The following PARVB variants were observed in gnomAD, a reference collection of about 807,000 sequenced individuals.
PARVB encodes the protein parvin beta.
Under a neutral mutation model 47.0 loss-of-function variants are expected in PARVB, and 46 were observed. The ratio of observed to expected loss-of-function variants is 0.98; its 90% CI spans 0.77 to 1.25. The LOEUF is 1.25. Ranked by LOEUF, PARVB falls within the 50% of genes most tolerant of loss-of-function variation. The probability of loss-of-function intolerance (pLI) is 0.00; values close to 1 mark genes in which losing one functional copy is unlikely to be tolerated. For missense variants in PARVB, 473 were observed against 471.6 expected, an observed-to-expected ratio of 1.00 and a Z score of -0.03; for synonymous variants, 196 against 196.3, an observed-to-expected ratio of 1.00 and a Z score of 0.01.
At chr22:44,140,020 C>T in intron 7 of PARVB, 104 bp from the exon 8 acceptor site, 1 of 1,478,244 alleles carries the variant, frequency 6.8e-7, no homozygotes, top group Non-Finnish European at 9.5e-7. Flanking sequence ...GCAGCGAGGG[C>T]CCAGCTTTCT....
At chr22:44,109,528 G>T (rs1381228370) in intron 3 of PARVB, 1 of 152,188 alleles carries the variant, frequency 6.6e-6, no homozygotes, top group African/African-American at 2.4e-5. Flanking sequence ...GATTAAGATG[G>T]ATGGCCTGGG....
In PARVB at chr22:44,169,143, G is replaced by A. The variant is rs540149740; in HGVS notation, c.*465G>A. Reference sequence around the variant, plus strand: ...GGCTCCCCGAGGACCCAGGCTTGACGATTCACCGGGGATCTCCTGGGCTGG... The same window carrying A: ...GGCTCCCCGAGGACCCAGGCTTGACAATTCACCGGGGATCTCCTGGGCTGG... On this transcript the variant is annotated 3_prime_UTR_variant, in exon 13 of 13. Transcript: ENST00000338758. 17 of 146,312 alleles carry A rather than the reference G, an allele frequency of 1.2e-4. No individual in the cohort carries two copies. The East Asian group carries it at 2.1e-3, about 18-fold the overall frequency. 9.1% of individuals were successfully genotyped at this position (146,312 alleles called of 1,614,324 possible).
intron 2 of PARVB, among the ~76,000 whole-genome samples, chr22:44,011,690 T>C (rs1416798644): frequency 6.6e-6 from 1 of 152,092 alleles, no homozygotes; most frequent in African/African-American, 2.4e-5. Context: ...TCTGGCCCCT[T>C]ACACACCCCT....
At position 44,155,108 on chromosome 22, in the gene PARVB, T is replaced by A. The variant is rs2053903682; in HGVS notation, c.844-2874T>A. Among the ~76,000 whole-genome samples, 1 of 151,930 alleles carries A rather than the reference T, an allele frequency of 6.6e-6. No individual in the cohort carries two copies. The highest frequency in any genetic ancestry group is 1.5e-5 in the Non-Finnish European group (1 of 67,984). ...GTGTGGTGTAGGTGTGTGTTTTCCC[T>A]CCTTTTCCAAACCATTCTTACATTG... On this transcript the variant is annotated intron_variant, in intron 10 of 12. Transcript: ENST00000338758. This position sits in a 1 kb window ranked among gnomAD's most constrained non-coding sequence, Gnocchi z 4.8.
chr22:43,999,782 A>C, intron 2 of PARVB: 1 of 536,766 alleles, frequency 1.9e-6, no homozygotes, highest in Non-Finnish European at 3.3e-6. Context: ...TTGTTGCTTG[A>C]GCCCAGGAAT....
chr22:44,164,409 T>TCTCC (rs2054120411), intron 12 of PARVB, among the ~76,000 whole-genome samples: 1 of 142,220 alleles, frequency 7.0e-6, no homozygotes, highest in Admixed American at 6.9e-5. Flanking sequence ...TGCTTCCCTG[T>TCTCC]CCCCCCCCCG....
rs57893038 is a variant in PARVB at position 44,087,846 on chromosome 22, G to GTTTTTTTTTT, written c.113-6074_113-6065dup. Reference sequence around the variant, plus strand: ...GTAATTCCAAATCAGGAACGATGGTGTTTTTTTTTTTTTTTTTCTTTTTTC... The same window carrying GTTTTTTTTTT: ...GTAATTCCAAATCAGGAACGATGGTGTTTTTTTTTTTTTTTTTTTTTTTTTTTCTTTTTTC... On this transcript the variant is annotated intron_variant, in intron 1 of 12. Transcript: ENST00000338758. 5.9e-3 allele frequency among the ~76,000 whole-genome samples: 716 copies of GTTTTTTTTTT among 120,986 alleles called. 1 individual carries two copies. The highest frequency in any genetic ancestry group is 9.9e-3 in the African/African-American group (298 of 30,044). 79.4% of individuals were successfully genotyped at this position (120,986 alleles called of 152,430 possible). A position where few individuals can be genotyped will look rare whatever the true frequency, so the allele number is the denominator to read the frequency against.
intron 12 of PARVB, among the ~76,000 whole-genome samples, chr22:44,164,992 G>A (rs2054135545): frequency 6.6e-6 from 1 of 152,046 alleles, no homozygotes; most frequent in South Asian, 2.1e-4. Context: ...GTGTATGGCT[G>A]TTTATTCTTT....
At chr22:44,166,041 C>T (rs1445650673) in intron 12 of PARVB, among the ~76,000 whole-genome samples, 1 of 152,242 alleles carries the variant, frequency 6.6e-6, no homozygotes, top group African/African-American at 2.4e-5. Context: ...CCCGTACCCT[C>T]AGAAGAGCCC....
At chr22:44,114,053 C>T (rs1473608541) in intron 3 of PARVB, 1 of 93,736 alleles carries the variant, frequency 1.1e-5, no homozygotes, top group Non-Finnish European at 2.0e-5. Context: ...AGGCCCTGCA[C>T]CAACACAGAT....
At chr22:44,034,461 A>G (rs2050884002) in intron 1 of PARVB, among the ~76,000 whole-genome samples, 1 of 151,454 alleles carries the variant, frequency 6.6e-6, no homozygotes. Context: ...AGGCCAGATC[A>G]TCAGACACTG....
intron 9 of PARVB, chr22:44,148,875 C>G (rs985620516): frequency 6.6e-6 from 1 of 152,154 alleles, no homozygotes; most frequent in Non-Finnish European, 1.5e-5. Context: ...TTGCAAAAGG[C>G]TGTTGGAACC....
chr22:44,019,613 C>T (rs535452469), upstream of PARVB, among the ~76,000 whole-genome samples: 5 of 152,266 alleles, frequency 3.3e-5, no homozygotes, highest in Non-Finnish European at 7.3e-5. Flanking sequence ...GGGTGAGGGC[C>T]GCAGGCTGCT....
chr22:44,005,899 CTG>C (rs1219217173), intron 2 of PARVB, among the ~76,000 whole-genome samples: 1 of 152,242 alleles, frequency 6.6e-6, no homozygotes, highest in African/African-American at 2.4e-5. Flanking sequence ...TTCAATATAT[CTG>C]TGCTTCCGTT....
intron 3 of PARVB, among the ~76,000 whole-genome samples, chr22:44,118,176 A>T (rs2052954823): frequency 6.6e-6 from 1 of 152,342 alleles, no homozygotes; most frequent in Admixed American, 6.5e-5. Flanking sequence ...CAACCAAGGG[A>T]TGGAGAAACA....
intron 12 of PARVB, chr22:44,168,109 GC>G (rs2147197207): frequency 6.1e-6 from 1 of 163,378 alleles, no homozygotes. Context: ...AAGGCACTGA[GC>G]CCCAAATCAC....
intron 10 of PARVB, among the ~76,000 whole-genome samples, chr22:44,157,346 A>G (rs1182782948): frequency 6.6e-6 from 1 of 152,150 alleles, no homozygotes; most frequent in African/African-American, 2.4e-5. Flanking sequence ...GGGAGTCACT[A>G]CTATCCCTGG....
At chr22:44,163,047 G>A (rs942882771) in intron 11 of PARVB, among the ~76,000 whole-genome samples, 4 of 152,154 alleles carry the variant, frequency 2.6e-5, no homozygotes, top group Non-Finnish European at 4.4e-5. Flanking sequence ...CTCCCCTGAG[G>A]GCACCCCATC....
Position 44,081,222 on chromosome 22 carries a change from G to T in PARVB, c.113-12706G>T, listed in dbSNP as rs369867577. On this transcript the variant is annotated intron_variant, in intron 1 of 12. Transcript: ENST00000338758. ...TCTTTGAGTATCTCAGGTGGGAACT[G>T]AGCTGCCAGCACCAGAGGCCAATGG... Among the ~76,000 whole-genome samples the T allele has an allele frequency of 2.0e-5, 3 of 152,302 alleles. 1 individual carries two copies.
Sources: gnomAD v4.1 joint callset for allele counts (sites outside exome capture counted in the v4.1 genomes callset) on GRCh38, gnomAD v4.1.1 for gene constraint, Gnocchi (gnomAD v3.1) non-coding constraint, MANE v1.5 for transcripts, NCBI Gene and HGNC (gene_info 2026-07-23, HGNC 2026-07-21) for gene names.